The following TMEM132D variants were observed in gnomAD, a reference collection of about 807,000 sequenced individuals.
TMEM132D encodes transmembrane protein 132D.
A neutral mutation model predicts 62.3 loss-of-function variants in TMEM132D; 21 were observed. That is an observed-to-expected ratio of 0.34 (90% CI 0.24 to 0.49). The LOEUF (loss-of-function observed/expected upper bound fraction) is 0.49, where lower values mean the gene tolerates loss of function less well. TMEM132D is among the 20% of genes least tolerant of loss of function. The pLI is 0.99. For synonymous variants in TMEM132D, 621 were observed against 575.6 expected (o/e 1.08, Z -1.13); for missense variants, 1,346 against 1,402.8 (o/e 0.96, Z 0.65).
intron 1 of TMEM132D, among the ~76,000 whole-genome samples, chr12:129,828,099 A>T (rs544403974): frequency 6.6e-6 from 1 of 152,286 alleles, no homozygotes; most frequent in Non-Finnish European, 1.5e-5. Context: ...ATTGTATGCA[A>T]ATCATATGCA....
intron 7 of TMEM132D, among the ~76,000 whole-genome samples, chr12:129,080,636 C>T (rs1874417873): frequency 6.6e-6 from 1 of 152,198 alleles, no homozygotes; most frequent in South Asian, 2.1e-4. Flanking sequence ...AAGACAATCG[C>T]ATTGCCTGCA....
At chr12:129,715,974 C>T (rs1007039274) in intron 1 of TMEM132D, among the ~76,000 whole-genome samples, 1 of 152,128 alleles carries the variant, frequency 6.6e-6, no homozygotes, top group African/African-American at 2.4e-5. Flanking sequence ...GGTCACGAGG[C>T]TAGCGACTGC....
intron 4 of TMEM132D, among the ~76,000 whole-genome samples, chr12:129,267,822 G>T (rs140140205): frequency 6.6e-6 from 1 of 152,070 alleles, no homozygotes; most frequent in Non-Finnish European, 1.5e-5. Context: ...CATGGTACTG[G>T]TACCAAAACA....
intron 5 of TMEM132D, among the ~76,000 whole-genome samples, chr12:129,193,746 A>G (rs1432482120): frequency 6.6e-6 from 1 of 152,200 alleles, no homozygotes; most frequent in East Asian, 1.9e-4. Context: ...ACTGCTACAT[A>G]CCAGGCCTTC....
intron 1 of TMEM132D, among the ~76,000 whole-genome samples, chr12:129,863,797 G>C (rs188750069): frequency 2.0e-5 from 3 of 152,126 alleles, no homozygotes; most frequent in Admixed American, 2.0e-4. Flanking sequence ...TTTTTTGGGG[G>C]GGGCAGGGGA....
At chr12:129,791,775 T>C (rs1384458367) in intron 1 of TMEM132D, among the ~76,000 whole-genome samples, 1 of 152,162 alleles carries the variant, frequency 6.6e-6, no homozygotes, top group Non-Finnish European at 1.5e-5. Context: ...GTTTGTTAGC[T>C]ACTGATTCTT....
At chr12:129,530,990 G>GAAAAAAAAAA (rs71082733) in intron 3 of TMEM132D, 69 bp downstream of exon 3, 21 of 1,267,172 alleles carry the variant, frequency 1.7e-5, no homozygotes, top group African/African-American at 1.6e-4. Flanking sequence ...AGCAATCTAG[G>GAAAAAAAAAA]AAAAAAAAAA....
chr12:129,379,382 A>G (rs2135685871), intron 3 of TMEM132D, among the ~76,000 whole-genome samples: 1 of 152,326 alleles, frequency 6.6e-6, no homozygotes, highest in Non-Finnish European at 1.5e-5. Context: ...ACTGTGATAA[A>G]GATGTCTCTG....
intron 2 of TMEM132D, among the ~76,000 whole-genome samples, chr12:129,684,480 A>G (rs1880859106): frequency 6.6e-6 from 1 of 152,102 alleles, no homozygotes; most frequent in African/African-American, 2.4e-5. Flanking sequence ...TCCTTTATAA[A>G]TTACCCTGTC....
At chr12:129,329,657 C>A (rs1869042268) in intron 4 of TMEM132D, among the ~76,000 whole-genome samples, 1 of 152,130 alleles carries the variant, frequency 6.6e-6, no homozygotes, top group Non-Finnish European at 1.5e-5. Context: ...GTTACCATCT[C>A]CTCGCAAATC....
intron 3 of TMEM132D, among the ~76,000 whole-genome samples, chr12:129,430,235 C>A (rs1175873651): frequency 6.6e-6 from 1 of 152,196 alleles, no homozygotes; most frequent in East Asian, 1.9e-4. Flanking sequence ...CACATCCTCT[C>A]CAGCACCTGT....
chr12:129,304,302 G>A (rs184638520), intron 4 of TMEM132D, among the ~76,000 whole-genome samples: 48 of 150,852 alleles, frequency 3.2e-4, no homozygotes, highest in South Asian at 1.5e-3. Context: ...CTCCGATACC[G>A]TGCAAAGACC....
intron 2 of TMEM132D, among the ~76,000 whole-genome samples, chr12:129,649,965 G>C (rs1431605347): frequency 1.3e-5 from 2 of 151,638 alleles, no homozygotes; most frequent in Admixed American, 6.6e-5. Flanking sequence ...TGTATATACA[G>C]AATAATCACC....
chr12:129,720,872 C>T (rs180761687), intron 1 of TMEM132D, among the ~76,000 whole-genome samples: 1 of 152,196 alleles, frequency 6.6e-6, no homozygotes, highest in Non-Finnish European at 1.5e-5. Flanking sequence ...AACTGAGTGG[C>T]CTCCCAGCCT....
In TMEM132D at chr12:129,074,278, C is replaced by A. The variant is rs776516255; in HGVS notation, c.2897G>T (p.Gly966Val). The change falls in exon 9 of 9, where the codon GGG (glycine) becomes GTG (valine). Residue 966 changes from glycine to valine, a missense_variant. Physicochemically the swap from Gly to Val is moderately radical, Grantham distance 109 (BLOSUM62 -3). Coordinates refer to ENST00000422113, the MANE Select transcript of TMEM132D (RefSeq NM_133448.3). ...EGMSHSHDWV[G>V]LSNRTELLEN... ...CAACAGCTCTGTCCGGTTGCTTAAC[C>A]CAACCCAGTCATGAGAGTGACTCAT... The A allele has an allele frequency of 1.9e-6, 3 of 1,613,932 alleles. No homozygotes were observed. The highest frequency in any genetic ancestry group is 2.5e-6 in the Non-Finnish European group (3 of 1,180,034).
chr12:129,361,142 G>T (rs1197603707), intron 3 of TMEM132D, among the ~76,000 whole-genome samples: 1 of 152,144 alleles, frequency 6.6e-6, no homozygotes, highest in Non-Finnish European at 1.5e-5. Context: ...ATGTATCAGA[G>T]GCAAACCAGA....
chr12:129,723,353 C>G (rs1482612141), intron 1 of TMEM132D, among the ~76,000 whole-genome samples: 2 of 152,202 alleles, frequency 1.3e-5, no homozygotes, highest in African/African-American at 4.8e-5. Flanking sequence ...GTAGCTCTGT[C>G]TGTCCATGCA....
At chr12:129,705,585 G>A (rs7312812) in intron 1 of TMEM132D, among the ~76,000 whole-genome samples, 129,136 of 152,150 alleles carry the variant, frequency 0.85, 57,405 homozygotes, top group Non-Finnish European at 0.99. Context: ...AATTGTGAGG[G>A]CAACAGAAAG....
At chr12:129,570,039 C>A (rs1030402532) in intron 2 of TMEM132D, among the ~76,000 whole-genome samples, 5 of 152,092 alleles carry the variant, frequency 3.3e-5, no homozygotes, top group African/African-American at 4.8e-5. Flanking sequence ...GTGATGGAAC[C>A]AATTTTTGGT....
Sources: allele counts gnomAD v4.1 joint callset (sites outside exome capture counted in the v4.1 genomes callset), GRCh38; gene constraint gnomAD v4.1.1; transcripts MANE v1.5; gene names NCBI Gene and HGNC (gene_info 2026-07-23, HGNC 2026-07-21).